Variants in KCNIP4 observed in about 807,000 individuals in gnomAD.
KCNIP4 encodes the protein potassium voltage-gated channel interacting protein 4, also known as Kv channel-interacting protein 4.
KCNIP4 carries 12 observed loss-of-function variants against 34.0 expected under a neutral mutation model. The ratio of observed to expected loss-of-function variants is 0.35; its 90% CI spans 0.23 to 0.57. KCNIP4 has a LOEUF of 0.57. Among genes scored for constraint, KCNIP4 ranks in the 20% least tolerant of loss-of-function variants. The probability of loss-of-function intolerance (pLI) is 0.83; values close to 1 mark genes in which losing one functional copy is unlikely to be tolerated. For missense variants in KCNIP4, 238 were observed against 311.7 expected (o/e 0.76, Z 1.78); for synonymous variants, 124 against 102.2 (o/e 1.21, Z -1.29).
chr4:21,046,144 G>T (rs1330142980), intron 1 of KCNIP4, among the ~76,000 whole-genome samples: 2 of 152,212 alleles, frequency 1.3e-5, no homozygotes, highest in African/African-American at 4.8e-5. Context: ...TGAATGTGAT[G>T]CAAATGTAAA....
intron 1 of KCNIP4, among the ~76,000 whole-genome samples, chr4:21,453,463 T>A (rs1287824510): frequency 1.3e-5 from 2 of 152,010 alleles, no homozygotes; most frequent in African/African-American, 4.8e-5. Flanking sequence ...GAGAACTAAA[T>A]GATCAGCAGA....
At chr4:20,776,160 C>T (rs1173701508) in intron 3 of KCNIP4, among the ~76,000 whole-genome samples, 2 of 152,140 alleles carry the variant, frequency 1.3e-5, no homozygotes, top group Non-Finnish European at 1.5e-5. Flanking sequence ...TTATTTCAAT[C>T]AGCAAGGGAT....
chr4:21,910,171 A>G (rs1424635697), intron 1 of KCNIP4, among the ~76,000 whole-genome samples: 1 of 152,134 alleles, frequency 6.6e-6, no homozygotes, highest in South Asian at 2.1e-4. Flanking sequence ...ACACTGACAC[A>G]TCTACCCAAA....
chr4:21,824,511 G>T (rs1722556948), intron 1 of KCNIP4, among the ~76,000 whole-genome samples: 1 of 152,048 alleles, frequency 6.6e-6, no homozygotes, highest in Non-Finnish European at 1.5e-5. Context: ...CCAATTCTGT[G>T]ATCAGAATCA....
intron 1 of KCNIP4, among the ~76,000 whole-genome samples, chr4:20,962,605 C>G (rs1367177345): frequency 6.6e-6 from 1 of 152,164 alleles, no homozygotes; most frequent in African/African-American, 2.4e-5. Context: ...TTAAAACCAA[C>G]AAGCCAGGTT....
rs1166653820 is a variant in KCNIP4 at position 20,775,256 on chromosome 4, T to A, written c.289-16366A>T. On this transcript the variant is annotated intron_variant, in intron 3 of 8. Transcript: ENST00000382152. Reference sequence around the variant, plus strand: ...TGGCGATTAAAATCTTGTGCTCCTATCTCCAAAAATTAAAAGTAAATAAAA... The same window carrying A: ...TGGCGATTAAAATCTTGTGCTCCTAACTCCAAAAATTAAAAGTAAATAAAA... Among the ~76,000 whole-genome samples the A allele has an allele frequency of 2.6e-5, 4 of 151,994 alleles. No individual in the cohort carries two copies. The East Asian group carries it at 7.7e-4, about 29-fold the overall frequency.
chr4:20,805,199 T>C (rs1042785029), intron 3 of KCNIP4, among the ~76,000 whole-genome samples: 1 of 145,472 alleles, frequency 6.9e-6, no homozygotes, highest in African/African-American at 2.6e-5. Context: ...TTTTTTTTTT[T>C]TTTTTTTTTT....
chr4:20,870,519 C>T (rs531009532), intron 2 of KCNIP4, among the ~76,000 whole-genome samples: 1 of 152,214 alleles, frequency 6.6e-6, no homozygotes, highest in Admixed American at 6.6e-5. Context: ...AACTAATACA[C>T]ATGGCGAGAG....
At chr4:21,355,120 T>C (rs1382615443) in intron 1 of KCNIP4, among the ~76,000 whole-genome samples, 3 of 152,240 alleles carry the variant, frequency 2.0e-5, no homozygotes, top group East Asian at 3.9e-4. Flanking sequence ...AAAGACACAA[T>C]GTACCAGATT....
chr4:21,907,325 C>T (rs1223631960), intron 1 of KCNIP4, among the ~76,000 whole-genome samples: 1 of 152,140 alleles, frequency 6.6e-6, no homozygotes. Flanking sequence ...TTCACACACA[C>T]TAGCTTGGTC....
In KCNIP4 at chr4:21,757,211, GAAA is replaced by G. The variant is rs1717674336; in HGVS notation, c.61+191357_61+191359del. Among the ~76,000 whole-genome samples, 4 of 17,906 alleles carry G rather than the reference GAAA, an allele frequency of 2.2e-4. 1 individual carries two copies. The highest frequency in any genetic ancestry group is 1.4e-3 in the African/African-American group (4 of 2,916). 11.7% of individuals were successfully genotyped at this position (17,906 alleles called of 152,430 possible). ...GGAAGGAAGGAAGGAAAGAAAGAAA[GAAA>G]GAAAGAAAGAAAGAAAGAAAGAAAG... On this transcript the variant is annotated intron_variant, in intron 1 of 8. Coordinates refer to ENST00000382152, the MANE Select transcript of KCNIP4 (RefSeq NM_025221.6).
chr4:21,323,139 T>C (rs1374646224), intron 1 of KCNIP4, among the ~76,000 whole-genome samples: 1 of 104,996 alleles, frequency 9.5e-6, no homozygotes, highest in Non-Finnish European at 1.9e-5. Context: ...GCATCTCTTT[T>C]GTAAGTATAT....
intron 1 of KCNIP4, among the ~76,000 whole-genome samples, chr4:20,917,359 C>CA (rs1728955530): frequency 6.6e-6 from 1 of 151,858 alleles, no homozygotes; most frequent in South Asian, 2.1e-4. Flanking sequence ...ACTCTTACTT[C>CA]AACTCTTTTC....
chr4:20,970,559 G>A (rs773287521), intron 1 of KCNIP4, among the ~76,000 whole-genome samples: 18 of 152,188 alleles, frequency 1.2e-4, no homozygotes, highest in Middle Eastern at 3.4e-3. Flanking sequence ...GCAGTGCCTC[G>A]AAACACTTTT....
rs145215807 is a variant in KCNIP4, at chr4:21,522,070, A to T, written c.61+426501T>A. Among the ~76,000 whole-genome samples, 988 of 152,280 alleles carry T rather than the reference A, an allele frequency of 6.5e-3. 8 individuals carry two copies. The highest frequency in any genetic ancestry group is 0.023 in the African/African-American group (948 of 41,544). On this transcript the variant is annotated intron_variant, in intron 1 of 8. Coordinates refer to ENST00000382152, the MANE Select transcript of KCNIP4 (RefSeq NM_025221.6). The stretch of plus-strand genomic sequence containing the variant: ...CTAATTACTTCAACATGTGTCTGTT[A>T]TAGTTACTGCTGCATTAATAGAGGC...
chr4:21,473,382 C>T (rs1446193573), intron 1 of KCNIP4, among the ~76,000 whole-genome samples: 1 of 152,120 alleles, frequency 6.6e-6, no homozygotes, highest in East Asian at 1.9e-4. Context: ...CTAAGAATGA[C>T]TAATAATAAA....
At chr4:21,689,471 G>A (rs1318430316) in intron 1 of KCNIP4, among the ~76,000 whole-genome samples, 1 of 151,546 alleles carries the variant, frequency 6.6e-6, no homozygotes, top group Non-Finnish European at 1.5e-5. Context: ...TGTGAGGTTA[G>A]GAATTAAAAG....
chr4:21,720,172 A>G (rs1289558770), intron 1 of KCNIP4, among the ~76,000 whole-genome samples: 1 of 152,124 alleles, frequency 6.6e-6, no homozygotes, highest in Non-Finnish European at 1.5e-5. Context: ...GGCTCCATTG[A>G]AACATGTCTC....
intron 1 of KCNIP4, among the ~76,000 whole-genome samples, chr4:21,140,684 T>A (rs1234161680): frequency 6.6e-6 from 1 of 152,204 alleles, no homozygotes; most frequent in Non-Finnish European, 1.5e-5. Context: ...CCCTTTATGA[T>A]CTGACCCTCA....
Sources: allele counts gnomAD v4.1 joint callset (sites outside exome capture counted in the v4.1 genomes callset), GRCh38; gene constraint gnomAD v4.1.1; transcripts MANE v1.5; gene names NCBI Gene and HGNC (gene_info 2026-07-23, HGNC 2026-07-21).